The following ALKBH8 variants were observed in gnomAD, a reference collection of about 807,000 sequenced individuals.
ALKBH8 encodes tRNA (carboxymethyluridine(34)-5-O)-methyltransferase ALKBH8.
Under a neutral mutation model 59.8 loss-of-function variants are expected in ALKBH8, and 36 were observed. That is an observed-to-expected ratio of 0.60 (90% CI 0.46 to 0.79). The LOEUF is 0.79. Among genes scored for constraint, ALKBH8 ranks in the 30% least tolerant of loss-of-function variants. The probability of loss-of-function intolerance (pLI) is 0.00; values close to 1 mark genes in which losing one functional copy is unlikely to be tolerated. For synonymous variants in ALKBH8, 276 were observed against 273.6 expected, an observed-to-expected ratio of 1.01 and a Z score of -0.09; for missense variants, 768 against 801.0, an observed-to-expected ratio of 0.96 and a Z score of 0.50.
chr11:107,546,768 C>T (rs1240069509), intron 7 of ALKBH8, among the ~76,000 whole-genome samples: 1 of 152,014 alleles, frequency 6.6e-6, no homozygotes, highest in East Asian at 1.9e-4. Context: ...AAAATCACAA[C>T]TTAGTTGTAG....
rs1028212369 is a variant in ALKBH8, at chr11:107,504,621, C to G, written c.*37G>C. ...TATTCTCTCTTTTTTTTTAAGTGAG[C>G]ATTTCTTCTTTATATATGATGTGTT... On this transcript the variant is annotated 3_prime_UTR_variant, in exon 12 of 12. Transcript: ENST00000428149. The G allele has an allele frequency of 6.6e-7, 1 of 1,525,988 alleles. No individual in the cohort carries two copies. Among genetic ancestry groups the G allele is most frequent in the Middle Eastern group, 1.7e-4 (1 of 5,860 alleles). The allele number at this position is 1,525,988 out of a possible 1,614,324, so 94.5% of individuals were successfully genotyped here. A position where few individuals can be genotyped will look rare whatever the true frequency, so the allele number is the denominator to read the frequency against.
At chr11:107,549,962 A>G (rs1019732868) in intron 6 of ALKBH8, 139 bp from the exon 7 acceptor site, 1 of 583,776 alleles carries the variant, frequency 1.7e-6, no homozygotes, top group Non-Finnish European at 3.0e-6. Flanking sequence ...GGTTAAAAGG[A>G]AACATTTAGG....
rs567583482 is a variant in ALKBH8 at position 107,552,100 on chromosome 11, T to C, written c.596-188A>G. Among the ~76,000 whole-genome samples the C allele has an allele frequency of 4.3e-5, 5 of 115,204 alleles. No individual in the cohort carries two copies. In the South Asian group the frequency reaches 1.3e-3, roughly 31 times the overall value. 75.6% of individuals were successfully genotyped at this position (115,204 alleles called of 152,430 possible). ...TTAGGAATCTTTTAAAGTCATTTCA[T>C]TGATTTTTTTTCAGATAAAAAGTTT... On this transcript the variant is annotated intron_variant, in intron 5 of 11. Transcript: ENST00000428149.
At chr11:107,554,366 C>T (rs1215582981) in intron 3 of ALKBH8, among the ~76,000 whole-genome samples, 1 of 151,860 alleles carries the variant, frequency 6.6e-6, no homozygotes, top group East Asian at 1.9e-4. Flanking sequence ...TTGATACTAT[C>T]TATAGTAAAT....
rs1187337795 is a variant in ALKBH8, at chr11:107,504,795, T to G, written c.1858A>C (p.Ser620Arg). The part of the protein sequence containing the change: ...PFGPIGSQDP[S>R]PVFHRYYHVF... ...TGGTAGTAACGATGAAACACAGGACTTGGGTCCTGGGATCCTATGGGACCA... is the reference window on the plus strand; with the variant it reads ...TGGTAGTAACGATGAAACACAGGACGTGGGTCCTGGGATCCTATGGGACCA... The change falls in exon 12 of 12, where the codon AGT becomes CGT. Residue 620 changes from serine (S) to arginine (R), a missense_variant. By Grantham distance (110) the Ser-to-Arg change is moderately radical. Transcript: ENST00000428149. The G allele has an allele frequency of 1.3e-6, 2 of 1,551,850 alleles. No individual in the cohort carries two copies. Among genetic ancestry groups the G allele is most frequent in the East Asian group, 4.9e-5 (2 of 40,930 alleles).
rs576678740 is a variant in ALKBH8 at position 107,552,705 on chromosome 11, A to G, written c.595+403T>C. On this transcript the variant is annotated intron_variant, in intron 5 of 11. Coordinates refer to ENST00000428149, the MANE Select transcript of ALKBH8 (RefSeq NM_138775.3). ...CGTTTTTTAGTGAACATAAACTTCA[A>G]CATGACAATTCTACTTCTTAGTAGT... Among the ~76,000 whole-genome samples, 10 of 152,330 alleles carry G rather than the reference A, an allele frequency of 6.6e-5. No individual in the cohort carries two copies. In the East Asian group the frequency reaches 1.9e-3, roughly 29 times the overall value.
intron 10 of ALKBH8, 62 bp from the exon 11 acceptor site, chr11:107,511,098 G>T: frequency 6.6e-7 from 1 of 1,505,698 alleles, no homozygotes; most frequent in Non-Finnish European, 9.0e-7. Flanking sequence ...TAAGAACTAT[G>T]AACTTATTCC....
In ALKBH8 at chr11:107,525,474, A is replaced by G. The variant is rs1362334549; in HGVS notation, c.997T>C (p.Phe333Leu). The G allele has an allele frequency of 2.1e-5, 33 of 1,544,928 alleles. No homozygotes were observed. The highest frequency in any genetic ancestry group is 2.8e-5 in the Non-Finnish European group (32 of 1,144,062). The part of the protein sequence containing the change: ...SKRGLRTSFT[F>L]RKVRQTPCNC... ...CAAGGTGTTTGCCTCACTTTCCTAA[A>G]TGTAAATGATGTTCGTAGTCCCCTC... The change falls in exon 9 of 12, where the codon TTT (phenylalanine) becomes CTT (leucine). Residue 333 changes from phenylalanine (F) to leucine (L), a missense_variant. Coordinates refer to ENST00000428149, the MANE Select transcript of ALKBH8 (RefSeq NM_138775.3).
intron 7 of ALKBH8, among the ~76,000 whole-genome samples, chr11:107,547,519 T>C (rs1312575961): frequency 6.6e-6 from 1 of 152,204 alleles, no homozygotes; most frequent in Non-Finnish European, 1.5e-5. Context: ...ATACATTACC[T>C]CATTTTATTT....
At chr11:107,535,132 C>T (rs1251344900) in intron 7 of ALKBH8, among the ~76,000 whole-genome samples, 2 of 152,152 alleles carry the variant, frequency 1.3e-5, no homozygotes, top group Admixed American at 6.6e-5. Context: ...ATATATACCA[C>T]ATTTTCTTTA....
In ALKBH8 at chr11:107,504,953, C is replaced by T. The variant is rs188662625; in HGVS notation, c.1700G>A (p.Gly567Glu). Residue 567 changes from glycine (G) to glutamate (E), a missense_variant, in exon 12 of 12, where the codon GGA (glycine) becomes GAA (glutamate). Gly to Glu is a moderately conservative substitution (Grantham distance 98). Coordinates refer to ENST00000428149, the MANE Select transcript of ALKBH8 (RefSeq NM_138775.3). ...VPRINDSQEG[G>E]CNSRQVSNSK... The stretch of plus-strand genomic sequence containing the variant: ...ATTAGAAACTTGCCTTGAATTACAT[C>T]CTCCTTCCTGAGAGTCATTAATGCG... 5,956 of 1,551,832 alleles carry T rather than the reference C, an allele frequency of 3.8e-3. 24 individuals are homozygous for T. The highest frequency in any genetic ancestry group is 4.5e-3 in the Non-Finnish European group (5,153 of 1,146,940).
At chr11:107,551,090 G>T (rs1231107834) in intron 6 of ALKBH8, among the ~76,000 whole-genome samples, 3 of 152,166 alleles carry the variant, frequency 2.0e-5, no homozygotes, top group African/African-American at 7.2e-5. Flanking sequence ...TCCTGCAATT[G>T]TCTCCCATAT....
At chr11:107,515,922 A>C (rs765938282) in intron 10 of ALKBH8, among the ~76,000 whole-genome samples, 32 of 152,250 alleles carry the variant, frequency 2.1e-4, no homozygotes, top group Non-Finnish European at 3.8e-4. Flanking sequence ...TTTAAGGAAG[A>C]AAATAAGGTT....
chr11:107,554,753 ATACATACCAC>A (rs1248784542), intron 3 of ALKBH8, among the ~76,000 whole-genome samples: 1 of 152,252 alleles, frequency 6.6e-6, no homozygotes, highest in Non-Finnish European at 1.5e-5. Flanking sequence ...CATTTGCTAA[ATACATACCAC>A]TGCCTACTAT....
At chr11:107,558,999 G>T (rs1273119387) in intron 2 of ALKBH8, among the ~76,000 whole-genome samples, 1 of 152,180 alleles carries the variant, frequency 6.6e-6, no homozygotes, top group Admixed American at 6.5e-5. Flanking sequence ...TTGTGGGAGG[G>T]ACCCACTGGG....
In ALKBH8 at chr11:107,549,777, G is replaced by A. The variant is rs1333677660; in HGVS notation, c.747C>T (p.Ile249=). ...IDTHSAFEDE[I]VSLSLGSEIV... ...CCTCTGACCCCAAACTGAGAGAAAC[G>A]ATCTCATCCTCAAAAGCGGAATGTG... Residue 249 remains isoleucine (I), a synonymous_variant, in exon 7 of 12, where the codon ATC becomes ATT. Coordinates refer to ENST00000428149, the MANE Select transcript of ALKBH8 (RefSeq NM_138775.3). 3.9e-6 allele frequency: 6 copies of A among 1,549,918 alleles called. No individual in the cohort carries two copies. Among genetic ancestry groups the A allele is most frequent in the East Asian group, 2.4e-5 (1 of 40,856 alleles).
At chr11:107,534,629 G>T (rs2135530923) in intron 7 of ALKBH8, among the ~76,000 whole-genome samples, 1 of 152,256 alleles carries the variant, frequency 6.6e-6, no homozygotes, top group South Asian at 2.1e-4. Flanking sequence ...AGAGATATAT[G>T]AACATGATAT....
intron 6 of ALKBH8, 88 bp downstream of exon 6, chr11:107,551,713 ATAATAAT>A: frequency 2.8e-6 from 1 of 363,610 alleles, no homozygotes; most frequent in Non-Finnish European, 4.4e-6. Flanking sequence ...AAAAATAATA[ATAATAAT>A]AATAATAATA....
intron 7 of ALKBH8, among the ~76,000 whole-genome samples, chr11:107,536,859 A>AGT (rs1863837440): frequency 6.6e-6 from 1 of 152,246 alleles, no homozygotes. Context: ...CGAGGAATGA[A>AGT]GGTGTCTAGG....
Sources: allele counts gnomAD v4.1 joint callset (sites outside exome capture counted in the v4.1 genomes callset), GRCh38; gene constraint gnomAD v4.1.1; transcripts MANE v1.5; gene names NCBI Gene and HGNC (gene_info 2026-07-23, HGNC 2026-07-21).